RIN3: variants seen among roughly 807,000 people sequenced by gnomAD.
RIN3 encodes RAB5 interacting protein 3.
RIN3 carries 54 observed loss-of-function variants against 76.3 expected under a neutral mutation model. The observed-to-expected ratio is 0.71, with a 90% confidence interval of 0.57 to 0.89. RIN3 has a LOEUF of 0.89. Among genes scored for constraint, RIN3 ranks in the 40% least tolerant of loss-of-function variants. The pLI, the probability that RIN3 is intolerant of heterozygous loss-of-function variation, is 0.00. For synonymous variants in RIN3, 576 were observed against 564.0 expected (o/e 1.02, Z -0.30); for missense variants, 1,256 against 1,322.1 (o/e 0.95, Z 0.78).
At chr14:92,647,272 G>A (rs767147804) in intron 5 of RIN3, among the ~76,000 whole-genome samples, 4 of 152,162 alleles carry the variant, frequency 2.6e-5, no homozygotes, top group South Asian at 2.1e-4. Context: ...AAAAGCCAGC[G>A]TTCGAAAGTG....
In RIN3 at chr14:92,615,458, T is replaced by C. The variant is rs1232646323; in HGVS notation, c.419T>C (p.Ile140Thr). 1.2e-6 allele frequency: 2 copies of C among 1,614,142 alleles called. No individual in the cohort carries two copies. The highest frequency in any genetic ancestry group is 4.5e-5 in the East Asian group (2 of 44,878). Residue 140 changes from isoleucine (I) to threonine (T), a missense_variant, in exon 4 of 10, where the codon ATT becomes ACT. Physicochemically the swap from Ile to Thr is moderately conservative, Grantham distance 89 (BLOSUM62 -1). Coordinates refer to ENST00000216487, the MANE Select transcript of RIN3 (RefSeq NM_024832.5). ...ALVFEDIFRL[I>T]AFYCVSRDLL... is the part of the protein sequence containing the mutation. ...GTGTTTGAGGACATCTTCAGATTGA[T>C]TGCGTTCTACTGTGTCAGTAGGTGA...
intron 3 of RIN3, among the ~76,000 whole-genome samples, chr14:92,603,225 G>A (rs1885406986): frequency 6.6e-6 from 1 of 152,162 alleles, no homozygotes; most frequent in Admixed American, 6.5e-5. Flanking sequence ...AGCTCCAGAG[G>A]CAAAGGTGCC....
Position 92,623,960 on chromosome 14 carries a change from T to C in RIN3, c.440+8481T>C, listed in dbSNP as rs1886267384. 6.6e-6 allele frequency among the ~76,000 whole-genome samples: 1 copy of C among 152,188 alleles called. No individual in the cohort carries two copies. Among genetic ancestry groups the C allele is most frequent in the Admixed American group, 6.5e-5 (1 of 15,272 alleles). ...AGAGAGAGTTCGACAGAATTCACTATCCCAGGCTGTAGGGTGTTGGAAAAG... is the reference window on the plus strand; with the variant it reads ...AGAGAGAGTTCGACAGAATTCACTACCCCAGGCTGTAGGGTGTTGGAAAAG... On this transcript the variant is annotated intron_variant, in intron 4 of 9. Transcript: ENST00000216487. This position sits in a 1 kb window ranked among gnomAD's most constrained non-coding sequence, Gnocchi z 4.9.
intron 1 of RIN3, among the ~76,000 whole-genome samples, chr14:92,544,279 A>G (rs1897194731): frequency 6.7e-6 from 1 of 150,218 alleles, no homozygotes; most frequent in Non-Finnish European, 1.5e-5. Context: ...AAATGCCTGC[A>G]GGCCACACCG....
chr14:92,533,765 G>A (rs905397081), intron 1 of RIN3, among the ~76,000 whole-genome samples: 2 of 152,188 alleles, frequency 1.3e-5, no homozygotes, highest in African/African-American at 4.8e-5. Flanking sequence ...ATTGGGTACA[G>A]CGTATACTGC....
intron 5 of RIN3, among the ~76,000 whole-genome samples, chr14:92,650,738 G>T (rs769376013): frequency 6.6e-6 from 1 of 152,194 alleles, no homozygotes; most frequent in East Asian, 1.9e-4. Context: ...CTGAGCCTCC[G>T]TCAGATGCTT....
chr14:92,601,352 G>A (rs972783068), intron 3 of RIN3, among the ~76,000 whole-genome samples: 4 of 152,254 alleles, frequency 2.6e-5, no homozygotes, highest in South Asian at 2.1e-4. Context: ...CCAAGGCCAC[G>A]TCCTAGCCTC....
At chr14:92,636,438 G>T (rs1886779848) in intron 4 of RIN3, among the ~76,000 whole-genome samples, 1 of 152,168 alleles carries the variant, frequency 6.6e-6, no homozygotes, top group Non-Finnish European at 1.5e-5. Context: ...ACAAAAATTA[G>T]CCAGGCGTGG....
intron 3 of RIN3, among the ~76,000 whole-genome samples, chr14:92,585,434 G>A (rs965221845): frequency 3.9e-5 from 6 of 152,074 alleles, no homozygotes; most frequent in African/African-American, 7.2e-5. Context: ...AATTTAAAAC[G>A]TCCCCATAGT....
intron 1 of RIN3, among the ~76,000 whole-genome samples, chr14:92,542,121 T>C (rs556300107): frequency 2.0e-5 from 3 of 152,210 alleles, no homozygotes; most frequent in African/African-American, 7.2e-5. Flanking sequence ...AGACCCTGTC[T>C]GTACAAAAAA....
At chr14:92,546,699 A>G (rs974174302) in intron 1 of RIN3, among the ~76,000 whole-genome samples, 5 of 146,378 alleles carry the variant, frequency 3.4e-5, no homozygotes, top group Admixed American at 6.8e-5. Flanking sequence ...AACTGTTTTC[A>G]TTCTCTGGGG....
chr14:92,584,997 G>A (rs368238337), intron 3 of RIN3, among the ~76,000 whole-genome samples: 1 of 152,004 alleles, frequency 6.6e-6, no homozygotes, highest in Non-Finnish European at 1.5e-5. Flanking sequence ...TATTCCCCTG[G>A]CTTGCTTTAT....
intron 4 of RIN3, among the ~76,000 whole-genome samples, chr14:92,624,148 T>C (rs1042684646): frequency 6.6e-6 from 1 of 152,262 alleles, no homozygotes; most frequent in African/African-American, 2.4e-5. Context: ...TTTCTTTGTA[T>C]CCTGTTTCAA....
In RIN3 at chr14:92,688,192, T is replaced by TGGC. The variant is rs68153141; in HGVS notation, c.2913_2915dup (p.Gly972dup). The TGGC allele has an allele frequency of 2.1e-5, 33 of 1,601,204 alleles. No homozygotes were observed. The highest frequency in any genetic ancestry group is 1.1e-4 in the East Asian group (5 of 44,490). ...TTGTCTACCGGCCCCTGGACGGTGG[T>TGGC]GGCGGCGGCGGCGGCGGGAGCCCGC... On this transcript the variant is annotated inframe_insertion, in exon 10 of 10. Transcript: ENST00000216487.
rs749801859 is a variant in RIN3, at chr14:92,652,945, G to A, written c.1896G>A (p.Ala632=). 2.2e-5 allele frequency: 35 copies of A among 1,613,704 alleles called. No homozygotes were observed. Among genetic ancestry groups the A allele is most frequent in the South Asian group, 7.7e-5 (7 of 91,072 alleles). The change falls in exon 6 of 10, where the codon GCG becomes GCA. Residue 632 remains alanine, a synonymous_variant. Coordinates refer to ENST00000216487, the MANE Select transcript of RIN3 (RefSeq NM_024832.5). This position sits in a 1 kb window ranked among gnomAD's most constrained non-coding sequence, Gnocchi z 6.4. ...AGGTGTACAGCCTGGAGATGATGGC[G>A]CGCCAGACCTCCAGCACGGAGATGC... is the stretch of plus-strand genomic sequence containing the variant. The part of the protein sequence containing the change: ...DYKVYSLEMM[A]RQTSSTEMLQ...
chr14:92,681,890 A>T lies in RIN3; in HGVS notation c.2468-3097A>T, dbSNP rs1888675961. Among the ~76,000 whole-genome samples, 1 of 151,400 alleles carries T rather than the reference A, an allele frequency of 6.6e-6. No homozygotes were observed. The highest frequency in any genetic ancestry group is 2.1e-4 in the South Asian group (1 of 4,798). On this transcript the variant is annotated intron_variant, in intron 8 of 9. Transcript: ENST00000216487. This position sits in a 1 kb window ranked among gnomAD's most constrained non-coding sequence, Gnocchi z 4.7. ...CAAAAAATGTCTCTTATTTATTTTT[A>T]TTTTTTTTTAATTTGAGATGAAGTC... is the stretch of plus-strand genomic sequence containing the variant.
chr14:92,540,121 G>A (rs1005971689), intron 1 of RIN3, among the ~76,000 whole-genome samples: 1 of 152,240 alleles, frequency 6.6e-6, no homozygotes, highest in Non-Finnish European at 1.5e-5. Context: ...GCACACAGAT[G>A]TGGAAAGTTT....
At position 92,576,412 on chromosome 14, in the gene RIN3, G is replaced by A. The variant is rs115845414; in HGVS notation, c.250-948G>A. 7.7e-4 allele frequency: 989 copies of A among 1,289,294 alleles called. 5 individuals are homozygous for A. In the African/African-American group the frequency reaches 0.012, roughly 16 times the overall value. 79.9% of individuals were successfully genotyped at this position (1,289,294 alleles called of 1,614,324 possible). On this transcript the variant is annotated intron_variant, in intron 2 of 9. Coordinates refer to ENST00000216487, the MANE Select transcript of RIN3 (RefSeq NM_024832.5). Reference sequence around the variant, plus strand: ...TATTTGGTTTCTAGAGCACAGCTGCGTCCTCACAGCCTAGAGCCATGGTTT... The same window carrying A: ...TATTTGGTTTCTAGAGCACAGCTGCATCCTCACAGCCTAGAGCCATGGTTT...
At chr14:92,557,997 C>T (rs1897647216) in intron 2 of RIN3, among the ~76,000 whole-genome samples, 1 of 152,210 alleles carries the variant, frequency 6.6e-6, no homozygotes, top group Non-Finnish European at 1.5e-5. Context: ...GCTGGCTCTC[C>T]AGAGCAAGCT....
Sources: gnomAD v4.1 joint callset for allele counts (sites outside exome capture counted in the v4.1 genomes callset) on GRCh38, gnomAD v4.1.1 for gene constraint, Gnocchi (gnomAD v3.1) non-coding constraint, MANE v1.5 for transcripts, NCBI Gene and HGNC (gene_info 2026-07-23, HGNC 2026-07-21) for gene names.